The following ARK2C variants were observed in gnomAD, a reference collection of about 807,000 sequenced individuals.
ARK2C encodes the protein arkadia (RNF111) C-terminal like ring finger ubiquitin ligase 2C.
the ARK2C span, chr18:46,336,104 G>GA: frequency 1.0e-6 from 1 of 985,338 alleles, no homozygotes; most frequent in Non-Finnish European, 1.2e-6. Context: ...CGATCTCCTT[G>GA]AAATGCCACC....
At chr18:46,379,358 C>T in the ARK2C span, among the ~76,000 whole-genome samples, 1,991 of 152,330 alleles carry the variant, frequency 0.013, 24 homozygotes, top group Non-Finnish European at 0.021. Context: ...ATCAATCTCA[C>T]GAGACTAAGC....
chr18:46,351,423 T>A, the ARK2C span, among the ~76,000 whole-genome samples: 1 of 152,110 alleles, frequency 6.6e-6, no homozygotes, highest in Non-Finnish European at 1.5e-5. Flanking sequence ...GATCAAGAGC[T>A]GGCAAATAAT....
the ARK2C span, among the ~76,000 whole-genome samples, chr18:46,395,260 T>G: frequency 2.0e-5 from 3 of 152,216 alleles, no homozygotes; most frequent in Admixed American, 6.5e-5. Flanking sequence ...GGGGACTGTG[T>G]GACCATCTCC....
At chr18:46,427,363 G>A in the ARK2C span, among the ~76,000 whole-genome samples, 3 of 152,124 alleles carry the variant, frequency 2.0e-5, no homozygotes, top group East Asian at 1.9e-4. Context: ...AGGCTGGGGC[G>A]GTTGGTGCTC....
At chr18:46,379,808 G>A in the ARK2C span, among the ~76,000 whole-genome samples, 4 of 152,350 alleles carry the variant, frequency 2.6e-5, no homozygotes, top group Admixed American at 2.0e-4. Context: ...TTCAGGGCCC[G>A]TTCAAGAGAT....
chr18:46,427,877 C>G, the ARK2C span, among the ~76,000 whole-genome samples: 1 of 152,118 alleles, frequency 6.6e-6, no homozygotes, highest in South Asian at 2.1e-4. Flanking sequence ...GGAAGGCAAC[C>G]CTGGGGCTGG....
the ARK2C span, among the ~76,000 whole-genome samples, chr18:46,375,617 T>A: frequency 1.3e-5 from 2 of 151,902 alleles, no homozygotes; most frequent in African/African-American, 4.8e-5. Flanking sequence ...GGCTTCCATT[T>A]CCTTAGCTCC....
chr18:46,433,757 G>A, the ARK2C span, among the ~76,000 whole-genome samples: 1 of 152,228 alleles, frequency 6.6e-6, no homozygotes, highest in Non-Finnish European at 1.5e-5. Context: ...TCTGACAGGG[G>A]CTCCCTCAGA....
At chr18:46,447,351 T>A in the ARK2C span, 2 of 569,856 alleles carry the variant, frequency 3.5e-6, no homozygotes, top group Non-Finnish European at 6.2e-6. Flanking sequence ...TGGATTGCTC[T>A]AGCTCCTTCA....
At chr18:46,342,803 TAAATC>T in the ARK2C span, among the ~76,000 whole-genome samples, 2 of 152,120 alleles carry the variant, frequency 1.3e-5, no homozygotes, top group Non-Finnish European at 2.9e-5. Context: ...GTTTAGAAAA[TAAATC>T]AAAGGAAAAA....
the ARK2C span, among the ~76,000 whole-genome samples, chr18:46,370,945 C>G: frequency 6.6e-6 from 1 of 152,164 alleles, no homozygotes; most frequent in Admixed American, 6.5e-5. Context: ...TCTGTTCTCA[C>G]ACTGCTAATA....
At chr18:46,342,075 A>G in the ARK2C span, among the ~76,000 whole-genome samples, 3 of 152,152 alleles carry the variant, frequency 2.0e-5, no homozygotes, top group Non-Finnish European at 4.4e-5. Context: ...TTTTTTCGCA[A>G]TTCAAAGCTC....
At chr18:46,418,563 C>T in the ARK2C span, among the ~76,000 whole-genome samples, 1 of 152,146 alleles carries the variant, frequency 6.6e-6, no homozygotes, top group African/African-American at 2.4e-5. Context: ...CATTTGGTAA[C>T]CATACAGGAC....
the ARK2C span, among the ~76,000 whole-genome samples, chr18:46,389,608 C>A: frequency 6.6e-6 from 1 of 152,178 alleles, no homozygotes; most frequent in Non-Finnish European, 1.5e-5. Flanking sequence ...CATCCCTCAT[C>A]GCTTCTCCAA....
chr18:46,337,380 GT>G, the ARK2C span: 1 of 984,980 alleles, frequency 1.0e-6, no homozygotes, highest in Non-Finnish European at 1.2e-6. Flanking sequence ...ACCTTTTCTT[GT>G]ACTAAAACTA....
At chr18:46,450,764 A>G in the ARK2C span, 1 of 1,613,944 alleles carries the variant, frequency 6.2e-7, no homozygotes, top group Non-Finnish European at 8.5e-7. Flanking sequence ...ACAGAACACC[A>G]TTGAGAGGTT....
the ARK2C span, among the ~76,000 whole-genome samples, chr18:46,410,824 G>T: frequency 6.6e-6 from 1 of 152,172 alleles, no homozygotes; most frequent in South Asian, 2.1e-4. Context: ...AATTGTCCAG[G>T]CTCATGAAAG....
chr18:46,395,175 G>A, the ARK2C span, among the ~76,000 whole-genome samples: 2 of 152,210 alleles, frequency 1.3e-5, no homozygotes, highest in South Asian at 4.1e-4. Flanking sequence ...GTTATTTCCA[G>A]TACCACGTTT....
At chr18:46,439,001 C>T in the ARK2C span, among the ~76,000 whole-genome samples, 1 of 152,342 alleles carries the variant, frequency 6.6e-6, no homozygotes, top group South Asian at 2.1e-4. Flanking sequence ...GGACCTGGGT[C>T]TTCTGACAGC....
Sources: allele counts gnomAD v4.1 joint callset (sites outside exome capture counted in the v4.1 genomes callset), GRCh38; gene constraint gnomAD v4.1.1; transcripts MANE v1.5; gene names NCBI Gene and HGNC (gene_info 2026-07-23, HGNC 2026-07-21).